SUGCT: variants seen among roughly 807,000 people sequenced by gnomAD.
SUGCT encodes the protein succinyl-CoA:glutarate-CoA transferase, also known as succinyl-CoA:glutarate CoA-transferase.
A neutral mutation model predicts 55.0 loss-of-function variants in SUGCT; 41 were observed. The ratio of observed to expected loss-of-function variants is 0.74; its 90% CI spans 0.58 to 0.97. The LOEUF is 0.97. Ranked by LOEUF, SUGCT falls within the 50% of genes least tolerant of loss-of-function variation. SUGCT has a pLI of 0.00. For synonymous variants in SUGCT, 187 were observed against 200.4 expected, an observed-to-expected ratio of 0.93 and a Z score of 0.56; for missense variants, 568 against 547.8, an observed-to-expected ratio of 1.04 and a Z score of -0.37.
At chr7:40,472,600 A>G (rs1266945271) in intron 11 of SUGCT, among the ~76,000 whole-genome samples, 1 of 152,066 alleles carries the variant, frequency 6.6e-6, no homozygotes, top group African/African-American at 2.4e-5. Context: ...GAAGCTAACA[A>G]ATAGCTTTGG....
chr7:40,281,332 G>A (rs1370444584), intron 8 of SUGCT, among the ~76,000 whole-genome samples: 1 of 152,212 alleles, frequency 6.6e-6, no homozygotes, highest in Non-Finnish European at 1.5e-5. Flanking sequence ...AGTATAGGAT[G>A]AAAGAGTAGA....
chr7:40,256,119 G>A (rs73316553), intron 7 of SUGCT, among the ~76,000 whole-genome samples: 3,500 of 152,292 alleles, frequency 0.023, 122 homozygotes, highest in African/African-American at 0.08. Context: ...TTTAAGAAAA[G>A]TATAATTGCA....
chr7:40,393,782 A>G (rs982062815), intron 9 of SUGCT, among the ~76,000 whole-genome samples: 1 of 152,170 alleles, frequency 6.6e-6, no homozygotes, highest in Non-Finnish European at 1.5e-5. Context: ...GTACTTTTAG[A>G]GCATGTGTGG....
intron 7 of SUGCT, among the ~76,000 whole-genome samples, chr7:40,255,415 A>G (rs2150946526): frequency 6.6e-6 from 1 of 151,640 alleles, no homozygotes; most frequent in Middle Eastern, 3.4e-3. Flanking sequence ...TAATCCTAGC[A>G]CCTTGGGAGG....
At chr7:40,335,353 CACG>C (rs1796622105) in intron 9 of SUGCT, among the ~76,000 whole-genome samples, 1 of 151,820 alleles carries the variant, frequency 6.6e-6, no homozygotes, top group African/African-American at 2.4e-5. Context: ...TGGCCATTTT[CACG>C]ATATTGATTC....
chr7:40,901,460 A>G, the SUGCT span, among the ~76,000 whole-genome samples: 1 of 152,190 alleles, frequency 6.6e-6, no homozygotes, highest in African/African-American at 2.4e-5. Context: ...AACACACACT[A>G]TATAGCAACC....
At chr7:40,303,526 C>T (rs1794664178) in intron 8 of SUGCT, among the ~76,000 whole-genome samples, 1 of 151,778 alleles carries the variant, frequency 6.6e-6, no homozygotes, top group African/African-American at 2.4e-5. Context: ...CTCTGTTGCC[C>T]AGGCTGGAGT....
At chr7:40,721,784 TAA>T (rs1441314756) in intron 12 of SUGCT, among the ~76,000 whole-genome samples, 1 of 152,230 alleles carries the variant, frequency 6.6e-6, no homozygotes, top group Non-Finnish European at 1.5e-5. Context: ...ACAGTGGAGA[TAA>T]AGTTTCTTCT....
At chr7:40,593,356 G>A (rs1797831570) in intron 12 of SUGCT, among the ~76,000 whole-genome samples, 5 of 152,252 alleles carry the variant, frequency 3.3e-5, no homozygotes, top group South Asian at 4.1e-4. Context: ...TGGTCAAACC[G>A]TATTATCCTT....
intron 12 of SUGCT, among the ~76,000 whole-genome samples, chr7:40,630,077 C>T (rs936303582): frequency 1.7e-4 from 26 of 152,330 alleles, no homozygotes; most frequent in African/African-American, 6.0e-4. Context: ...AGGCATGGAA[C>T]ACTCCTCACT....
At chr7:40,446,165 T>C (rs1383223035) in intron 9 of SUGCT, among the ~76,000 whole-genome samples, 2 of 152,150 alleles carry the variant, frequency 1.3e-5, no homozygotes, top group African/African-American at 2.4e-5. Flanking sequence ...TATTTAAATA[T>C]ATGTTGGCGG....
At chr7:40,380,029 G>T (rs1319903171) in intron 9 of SUGCT, among the ~76,000 whole-genome samples, 1 of 152,206 alleles carries the variant, frequency 6.6e-6, no homozygotes, top group East Asian at 1.9e-4. Context: ...CCCACAAAGA[G>T]ATGGTTGTTA....
At chr7:40,914,525 C>T in the SUGCT span, among the ~76,000 whole-genome samples, 54 of 152,070 alleles carry the variant, frequency 3.6e-4, no homozygotes, top group Admixed American at 6.5e-4. Flanking sequence ...AACTTTACCA[C>T]GGATAAGATC....
chr7:40,409,519 C>T (rs917905994), intron 9 of SUGCT, among the ~76,000 whole-genome samples: 16 of 152,202 alleles, frequency 1.1e-4, no homozygotes, highest in African/African-American at 2.2e-4. Context: ...CTTGGCCTTC[C>T]GAAGTGCTGG....
chr7:40,454,977 C>G (rs972472412), intron 10 of SUGCT, among the ~76,000 whole-genome samples: 6 of 151,994 alleles, frequency 3.9e-5, no homozygotes, highest in African/African-American at 1.5e-4. Context: ...CTATTCTTTT[C>G]CTAGTGAATT....
chr7:40,421,195 C>T (rs925934484), intron 9 of SUGCT, among the ~76,000 whole-genome samples: 1 of 152,128 alleles, frequency 6.6e-6, no homozygotes, highest in Non-Finnish European at 1.5e-5. Context: ...CCGTTGGCAC[C>T]CTTCAGAGGT....
intron 9 of SUGCT, among the ~76,000 whole-genome samples, chr7:40,345,952 TG>T (rs1480882654): frequency 1.3e-5 from 2 of 151,772 alleles, no homozygotes; most frequent in Admixed American, 1.3e-4. Context: ...TGTTTGTTTT[TG>T]TTTTTTTTTA....
rs1197592924 is a variant in SUGCT at position 40,449,391 on chromosome 7, T to C, written c.888+33T>C. The C allele has an allele frequency of 2.6e-6, 4 of 1,551,068 alleles. No homozygotes were observed. In the South Asian group the frequency reaches 4.6e-5, roughly 18 times the overall value. ...ATAATTATTGGGATTGGTCGATGAT[T>C]TTGTACAAAGCCAGGGAAAGTTCAG... On this transcript the variant is annotated intron_variant, in intron 10 of 13. Transcript: ENST00000335693.
intron 5 of SUGCT, among the ~76,000 whole-genome samples, chr7:40,190,560 A>G (rs1211111956): frequency 6.6e-6 from 1 of 151,650 alleles, no homozygotes; most frequent in Non-Finnish European, 1.5e-5. Context: ...AATAGTACCT[A>G]CTCTCTAGGG....
Sources: gnomAD v4.1 joint callset for allele counts (sites outside exome capture counted in the v4.1 genomes callset) on GRCh38, gnomAD v4.1.1 for gene constraint, MANE v1.5 for transcripts, NCBI Gene and HGNC (gene_info 2026-07-23, HGNC 2026-07-21) for gene names.